LPP: variants seen among roughly 807,000 people sequenced by gnomAD.
The protein encoded by LPP is LIM domain containing preferred translocation partner in lipoma, also known as lipoma-preferred partner.
In LPP, 38 loss-of-function variants were observed where a neutral mutation model predicts 60.4. The observed-to-expected ratio is 0.63, with a 90% CI of 0.49 to 0.83. The LOEUF is 0.83. LPP is among the 40% of genes least tolerant of loss of function. The pLI, the probability that LPP is intolerant of heterozygous loss-of-function variation, is 0.00. For synonymous variants in LPP, 328 were observed against 290.8 expected, an observed-to-expected ratio of 1.13 and a Z score of -1.30; for missense variants, 902 against 783.6, an observed-to-expected ratio of 1.15 and a Z score of -1.80.
At position 188,162,739 on chromosome 3, in the gene LPP, C is replaced by T. The variant is rs139385880; in HGVS notation, c.-190+8487C>T. Among the ~76,000 whole-genome samples, 27 of 152,264 alleles carry T rather than the reference C, an allele frequency of 1.8e-4. 1 individual carries two copies. The East Asian group carries it at 3.3e-3, about 19-fold the overall frequency. ...AGAATCAGGGGCATTTCTGTGATGGCGCTTTGTCAGTGGTAATGCAGTCTG... is the reference window on the plus strand; with the variant it reads ...AGAATCAGGGGCATTTCTGTGATGGTGCTTTGTCAGTGGTAATGCAGTCTG... On this transcript the variant is annotated intron_variant, in intron 1 of 11. Transcript: ENST00000617246.
At chr3:188,203,465 A>G (rs1731846590) in intron 1 of LPP, among the ~76,000 whole-genome samples, 2 of 93,208 alleles carry the variant, frequency 2.1e-5, no homozygotes, top group South Asian at 6.2e-4. Flanking sequence ...ATAAATATAT[A>G]TATTTTTAAA....
intron 5 of LPP, among the ~76,000 whole-genome samples, chr3:188,491,960 T>C (rs1808499826): frequency 6.6e-6 from 1 of 152,180 alleles, no homozygotes; most frequent in African/African-American, 2.4e-5. Context: ...GGATTGATAG[T>C]GGAGTATGTG....
At position 188,217,040 on chromosome 3, in the gene LPP, C is replaced by T. The variant is rs1713904620; in HGVS notation, c.-189-8365C>T. Among the ~76,000 whole-genome samples, 1 of 152,214 alleles carries T rather than the reference C, an allele frequency of 6.6e-6. No homozygotes were observed. Among genetic ancestry groups the T allele is most frequent in the African/African-American group, 2.4e-5 (1 of 41,448 alleles). On this transcript the variant is annotated intron_variant, in intron 1 of 11. Transcript: ENST00000617246. This position sits in a 1 kb window ranked among gnomAD's most constrained non-coding sequence, Gnocchi z 4.0. ...TCGATTTAGAGCAAAGAGTAAGACACACACAACAACGATCTCTTGGTGCTT... is the reference window on the plus strand; with the variant it reads ...TCGATTTAGAGCAAAGAGTAAGACATACACAACAACGATCTCTTGGTGCTT...
At chr3:188,585,727 G>C (rs865889359) in intron 6 of LPP, among the ~76,000 whole-genome samples, 1 of 152,140 alleles carries the variant, frequency 6.6e-6, no homozygotes, top group South Asian at 2.1e-4. Context: ...ATTTCATAAG[G>C]GAAAAAGTAG....
intron 6 of LPP, among the ~76,000 whole-genome samples, chr3:188,558,242 C>CTGTA (rs1488366977): frequency 6.6e-6 from 1 of 152,098 alleles, no homozygotes; most frequent in Non-Finnish European, 1.5e-5. Context: ...CCTCACTGTG[C>CTGTA]TGTACTCTGT....
Position 188,645,255 on chromosome 3 carries a change from T to C in LPP, c.1113+35411T>C, listed in dbSNP as rs183950427. On this transcript the variant is annotated intron_variant, in intron 7 of 11. Transcript: ENST00000617246. Reference sequence around the variant, plus strand: ...TACTTCTCAGTTCTAGAACTTTTTTTTTTTTTCCTTAATGGAAGGAAAGAA... The same window carrying C: ...TACTTCTCAGTTCTAGAACTTTTTTCTTTTTTCCTTAATGGAAGGAAAGAA... Among the ~76,000 whole-genome samples the C allele has an allele frequency of 2.0e-4, 30 of 152,226 alleles. No individual in the cohort carries two copies. The East Asian group carries it at 5.2e-3, about 27-fold the overall frequency.
intron 9 of LPP, among the ~76,000 whole-genome samples, chr3:188,819,944 G>T (rs976018081): frequency 6.6e-6 from 1 of 152,106 alleles, no homozygotes; most frequent in Non-Finnish European, 1.5e-5. Flanking sequence ...AATTAAGATC[G>T]CTGTCCATCT....
intron 9 of LPP, among the ~76,000 whole-genome samples, chr3:188,782,996 T>C (rs3856918): frequency 0.63 from 96,211 of 151,946 alleles, 30,942 homozygotes; most frequent in East Asian, 0.9. Flanking sequence ...TCTGTGCCCA[T>C]CCTTTCTGTC....
rs563051424 is a variant in LPP, at chr3:188,841,474, C to G, written c.1411-24726C>G. Among the ~76,000 whole-genome samples the G allele has an allele frequency of 5.5e-5, 8 of 146,426 alleles. No individual in the cohort carries two copies. The East Asian group carries it at 1.3e-3, about 25-fold the overall frequency. On this transcript the variant is annotated intron_variant, in intron 9 of 11. Transcript: ENST00000617246. ...TGGCACGATCTCGGCTCACTGCAACCTCTGCCTCCCAGGTTCAAGCGATTC... is the reference window on the plus strand; with the variant it reads ...TGGCACGATCTCGGCTCACTGCAACGTCTGCCTCCCAGGTTCAAGCGATTC...
At chr3:188,329,109 T>G (rs73888220) in intron 2 of LPP, among the ~76,000 whole-genome samples, 2,921 of 152,262 alleles carry the variant, frequency 0.019, 101 homozygotes, top group African/African-American at 0.067. Flanking sequence ...TTGTGGACTC[T>G]TGAAAGGTCT....
chr3:188,793,967 A>G (rs1424520684), intron 9 of LPP, among the ~76,000 whole-genome samples: 1 of 152,080 alleles, frequency 6.6e-6, no homozygotes, highest in East Asian at 1.9e-4. Context: ...GCTCCAACTT[A>G]AGGTGCTTTA....
intron 6 of LPP, among the ~76,000 whole-genome samples, chr3:188,569,470 T>C (rs2150816731): frequency 6.6e-6 from 1 of 152,158 alleles, no homozygotes; most frequent in South Asian, 2.1e-4. Context: ...GAATTCCCCA[T>C]CAGATTAACC....
At chr3:188,240,478 T>C (rs1723935600) in intron 2 of LPP, among the ~76,000 whole-genome samples, 1 of 152,108 alleles carries the variant, frequency 6.6e-6, no homozygotes, top group Non-Finnish European at 1.5e-5. Flanking sequence ...ATTTCTGAGT[T>C]GGAAGGAAGT....
chr3:188,847,944 A>G (rs1052634894), intron 9 of LPP, among the ~76,000 whole-genome samples: 1 of 152,214 alleles, frequency 6.6e-6, no homozygotes, highest in African/African-American at 2.4e-5. Context: ...AACTAGGAAG[A>G]AGGAAGTCAG....
intron 6 of LPP, among the ~76,000 whole-genome samples, chr3:188,562,059 A>C (rs1290431347): frequency 6.6e-6 from 1 of 151,794 alleles, no homozygotes; most frequent in Non-Finnish European, 1.5e-5. Flanking sequence ...ACACAGACAC[A>C]CACAGACACA....
chr3:188,191,012 A>G (rs544238767), intron 1 of LPP, among the ~76,000 whole-genome samples: 1 of 152,340 alleles, frequency 6.6e-6, no homozygotes, highest in South Asian at 2.1e-4. Context: ...CAGGTGGATC[A>G]CGAGGTCAGA....
At chr3:188,223,824 A>G (rs1049875018) in intron 1 of LPP, among the ~76,000 whole-genome samples, 1 of 152,176 alleles carries the variant, frequency 6.6e-6, no homozygotes, top group East Asian at 1.9e-4. Context: ...CATTGTTCAC[A>G]GGTCTAATGT....
At chr3:188,447,042 T>G (rs9832613) in intron 4 of LPP, among the ~76,000 whole-genome samples, 145,661 of 152,250 alleles carry the variant, frequency 0.96, 69,943 homozygotes, top group East Asian at 1. Context: ...TGACATGTGA[T>G]TTGTGGCCTG....
intron 6 of LPP, among the ~76,000 whole-genome samples, chr3:188,578,995 G>A (rs1835415573): frequency 1.3e-5 from 2 of 152,108 alleles, no homozygotes; most frequent in African/African-American, 4.8e-5. Context: ...TCAGTGAAAT[G>A]TATTTCCTGT....
Sources: gnomAD v4.1 joint callset for allele counts (sites outside exome capture counted in the v4.1 genomes callset) on GRCh38, gnomAD v4.1.1 for gene constraint, Gnocchi (gnomAD v3.1) non-coding constraint, MANE v1.5 for transcripts, NCBI Gene and HGNC (gene_info 2026-07-23, HGNC 2026-07-21) for gene names.